The following OGG1 variants were observed in gnomAD, a reference collection of about 807,000 sequenced individuals.
OGG1 encodes the protein 8-oxoguanine DNA glycosylase.
A neutral mutation model predicts 42.3 loss-of-function variants in OGG1; 35 were observed. The observed-to-expected ratio is 0.83, with a 90% CI of 0.63 to 1.10. The LOEUF (loss-of-function observed/expected upper bound fraction) is 1.10, where lower values mean the gene tolerates loss of function less well. Ranked by LOEUF, OGG1 falls within the 50% of genes least tolerant of loss-of-function variation. OGG1 has a pLI of 0.00. For missense variants in OGG1, 484 were observed against 446.7 expected, an observed-to-expected ratio of 1.08 and a Z score of -0.75; for synonymous variants, 189 against 179.0, an observed-to-expected ratio of 1.06 and a Z score of -0.44.
At position 9,751,157 on chromosome 3, in the gene OGG1, A is replaced by G. The variant is rs1172912741; in HGVS notation, c.350A>G (p.Asp117Gly). Residue 117 changes from aspartate (D) to glycine (G), a missense_variant, in exon 2 of 7, where the codon GAC becomes GGC. By Grantham distance (94) the Asp-to-Gly change is moderately conservative. Transcript: ENST00000344629. ...AQLYHHWGSV[D>G]SHFQEVAQKF... ...CTGTATCACCACTGGGGTTCCGTGG[A>G]CTCCCACTTCCAAGAGGTGGCTCAG... 1.2e-6 allele frequency: 2 copies of G among 1,614,078 alleles called. No homozygotes were observed. The highest frequency in any genetic ancestry group is 2.2e-5 in the South Asian group (2 of 91,050).
At position 9,749,998 on chromosome 3, in the gene OGG1, T is replaced by C. The variant is rs1472201535; in HGVS notation, c.-289T>C. On this transcript the variant is annotated 5_prime_UTR_variant, in exon 1 of 7. Transcript: ENST00000344629. The stretch of plus-strand genomic sequence containing the variant: ...TGGAGAACCCAGAAGAACACAGCTG[T>C]GCGCGCCCACAGGCTCTGGGGGCGG... 2.1e-6 allele frequency: 1 copy of C among 486,702 alleles called. No homozygotes were observed. Among genetic ancestry groups the C allele is most frequent in the African/African-American group, 1.9e-5 (1 of 51,906 alleles). The allele number at this position is 486,702 out of a possible 1,614,324, so 30.1% of individuals were successfully genotyped here. A position where few individuals can be genotyped will look rare whatever the true frequency, so the allele number is the denominator to read the frequency against.
intron 2 of OGG1, among the ~76,000 whole-genome samples, chr3:9,779,359 G>A (rs947822047): frequency 3.9e-5 from 6 of 152,160 alleles, no homozygotes; most frequent in Non-Finnish European, 5.9e-5. Flanking sequence ...ATGGAAGCCC[G>A]CTGGCTCCGG....
intron 2 of OGG1, among the ~76,000 whole-genome samples, chr3:9,778,315 T>C (rs1168298777): frequency 6.6e-6 from 1 of 152,256 alleles, no homozygotes; most frequent in African/African-American, 2.4e-5. Flanking sequence ...TGCAGCAGCT[T>C]GGCCCAGCAC....
At chr3:9,785,397 G>T in intron 3 of OGG1, 2 of 1,613,944 alleles carry the variant, frequency 1.2e-6, no homozygotes, top group Non-Finnish European at 1.7e-6. Context: ...AGGAATAGGA[G>T]AATCCTCCAT....
In OGG1 at chr3:9,750,418, T is replaced by A; in HGVS notation, c.132T>A (p.Ser44=). The A allele has an allele frequency of 3.7e-6, 6 of 1,613,952 alleles. No individual in the cohort carries two copies. In the South Asian group the frequency reaches 5.5e-5, roughly 15 times the overall value. Residue 44 remains serine, a synonymous_variant, in exon 1 of 7, where the codon TCT becomes TCA. Coordinates refer to ENST00000344629, the MANE Select transcript of OGG1 (RefSeq NM_002542.6). ...RLDLVLPSGQ[S]FRWREQSPAH... is the part of the protein sequence containing the mutation. ...ACCTGGTTCTGCCTTCTGGACAATCTTTCCGGTGAGTGACTGAGCCTGAGA... is the reference window on the plus strand; with the variant it reads ...ACCTGGTTCTGCCTTCTGGACAATCATTCCGGTGAGTGACTGAGCCTGAGA...
At chr3:9,756,914 C>T in intron 6 of OGG1, 98 bp downstream of exon 6, 1 of 1,612,098 alleles carries the variant, frequency 6.2e-7, no homozygotes, top group East Asian at 2.2e-5. Flanking sequence ...AAGGACTCTC[C>T]AGCCACCCCT....
chr3:9,758,741 T>C, downstream of OGG1: 1 of 202,574 alleles, frequency 4.9e-6, no homozygotes, highest in East Asian at 1.4e-4. Context: ...GTAATTCTCC[T>C]GCCTCAGCTT....
At chr3:9,789,819 G>C, downstream of OGG1, 1 of 1,614,200 alleles carries the variant, frequency 6.2e-7, no homozygotes, top group East Asian at 2.2e-5. Flanking sequence ...GGCCGTCCTG[G>C]GCCAGGGCCC....
At chr3:9,760,778 G>A (rs371280138), downstream of OGG1, 34 of 1,613,838 alleles carry the variant, frequency 2.1e-5, no homozygotes, top group South Asian at 1.6e-4. Flanking sequence ...CCTGGGCAGG[G>A]AGAAACTCAT....
exon 8 of OGG1, chr3:9,765,822 A>G (rs2125593413): frequency 2.5e-6 from 4 of 1,614,024 alleles, no homozygotes; most frequent in East Asian, 4.5e-5. Context: ...CTCCTTGGCA[A>G]TGCATTTGAT....
intron 3 of OGG1, chr3:9,783,448 G>C (rs972024277): frequency 1.3e-5 from 2 of 151,662 alleles, no homozygotes; most frequent in Non-Finnish European, 2.9e-5. Context: ...GCCTCCCATG[G>C]AGATACATTT....
chr3:9,782,463 C>T (rs2078498934), intron 3 of OGG1, among the ~76,000 whole-genome samples: 1 of 152,212 alleles, frequency 6.6e-6, no homozygotes, highest in African/African-American at 2.4e-5. Context: ...ACAGTAGGCC[C>T]TCAGCATACA....
At chr3:9,766,585 G>T (rs1369580770) in exon 8 of OGG1, 1 of 953,408 alleles carries the variant, frequency 1.0e-6, no homozygotes, top group East Asian at 7.1e-5. Flanking sequence ...TATGCTCATT[G>T]AACTTTAAGA....
At chr3:9,758,166 T>G (rs1264676228), downstream of OGG1, 1 of 202,498 alleles carries the variant, frequency 4.9e-6, no homozygotes, top group African/African-American at 2.3e-5. Context: ...GTAATTCATT[T>G]AATCTTCATG....
At chr3:9,764,617 G>GTTTTTTTT (rs202012854) in intron 7 of OGG1, among the ~76,000 whole-genome samples, 2 of 93,458 alleles carry the variant, frequency 2.1e-5, no homozygotes, top group Non-Finnish European at 2.2e-5. Flanking sequence ...TGGCGTTTTT[G>GTTTTTTTT]TTTTTTTTTT....
chr3:9,757,385 A>C lies in OGG1; in HGVS notation c.*235A>C. 1 of 1,612,978 alleles carries C rather than the reference A, an allele frequency of 6.2e-7. No homozygotes were observed. Among genetic ancestry groups the C allele is most frequent in the South Asian group, 1.1e-5 (1 of 90,984 alleles). ...CCTTTATTACAAGAAGGAACAATAA[A>C]ATAGAAACATTTGTATGGAAAATGC... On this transcript the variant is annotated 3_prime_UTR_variant, in exon 7 of 7. Coordinates refer to ENST00000344629, the MANE Select transcript of OGG1 (RefSeq NM_002542.6). The surrounding 1 kb of genome is among the most constrained non-coding windows in gnomAD (Gnocchi z 4.5).
chr3:9,757,483 A>G, downstream of OGG1: 1 of 1,603,048 alleles, frequency 6.2e-7, no homozygotes, highest in Non-Finnish European at 8.5e-7. This position sits in a 1 kb window ranked among gnomAD's most constrained non-coding sequence, Gnocchi z 4.5. Context: ...AGGGAAGGGG[A>G]GCAGGCTGCC....
chr3:9,756,152 A>G (rs1210190070), intron 4 of OGG1, among the ~76,000 whole-genome samples: 1 of 152,102 alleles, frequency 6.6e-6, no homozygotes, highest in Non-Finnish European at 1.5e-5. Context: ...CCCCATCTCT[A>G]CTAAAAACAC....
intron 3 of OGG1, among the ~76,000 whole-genome samples, chr3:9,785,902 C>G (rs1410526033): frequency 3.3e-5 from 5 of 151,626 alleles, no homozygotes; most frequent in Non-Finnish European, 7.4e-5. Flanking sequence ...TAGGCATGGG[C>G]CAAAAAGTTT....
Sources: allele counts gnomAD v4.1 joint callset (sites outside exome capture counted in the v4.1 genomes callset), GRCh38; gene constraint gnomAD v4.1.1; non-coding constraint Gnocchi (gnomAD v3.1); transcripts MANE v1.5; gene names NCBI Gene and HGNC (gene_info 2026-07-23, HGNC 2026-07-21).